COL21A1: variants seen among roughly 807,000 people sequenced by gnomAD.
COL21A1 encodes the protein collagen alpha-1(XXI) chain.
Under a neutral mutation model 137.9 loss-of-function variants are expected in COL21A1, and 149 were observed. That is an observed-to-expected ratio of 1.08 (90% CI 0.95 to 1.24). The LOEUF is 1.24. Ranked by LOEUF, COL21A1 falls within the 50% of genes most tolerant of loss-of-function variation. The probability of loss-of-function intolerance (pLI) is 0.00; values close to 1 mark genes in which losing one functional copy is unlikely to be tolerated. For synonymous variants in COL21A1, 456 were observed against 391.5 expected, an observed-to-expected ratio of 1.16 and a Z score of -1.95; for missense variants, 1,167 against 1,158.4, an observed-to-expected ratio of 1.01 and a Z score of -0.11.
At chr6:56,304,956 G>T (rs2152338171) in intron 1 of COL21A1, among the ~76,000 whole-genome samples, 1 of 152,316 alleles carries the variant, frequency 6.6e-6, no homozygotes, top group South Asian at 2.1e-4. Context: ...TGGTTTCAAA[G>T]AACATCTTTA....
intron 1 of COL21A1, among the ~76,000 whole-genome samples, chr6:56,244,826 G>C (rs1481535269): frequency 6.6e-6 from 1 of 152,088 alleles, no homozygotes; most frequent in African/African-American, 2.4e-5. Context: ...AGAATCATTT[G>C]GCATCTTTTT....
chr6:56,112,865 G>T (rs138906807), intron 16 of COL21A1, among the ~76,000 whole-genome samples: 2,547 of 151,916 alleles, frequency 0.017, 74 homozygotes, highest in African/African-American at 0.059. Flanking sequence ...TGTATTTTTA[G>T]TAGAGATGGG....
chr6:56,362,149 T>C (rs570402761), intron 1 of COL21A1, among the ~76,000 whole-genome samples: 2 of 152,250 alleles, frequency 1.3e-5, no homozygotes, highest in East Asian at 1.9e-4. Context: ...CATTGACAAG[T>C]AGCAAGTTCA....
chr6:56,213,002 AAGAG>A (rs1162852950), intron 1 of COL21A1, among the ~76,000 whole-genome samples: 1 of 152,104 alleles, frequency 6.6e-6, no homozygotes. Context: ...GAATTTAAGC[AAGAG>A]AGAAAGAAAA....
intron 1 of COL21A1, among the ~76,000 whole-genome samples, chr6:56,365,812 C>T (rs1161956933): frequency 6.6e-6 from 1 of 152,156 alleles, no homozygotes; most frequent in Non-Finnish European, 1.5e-5. Flanking sequence ...TGAATCTTTA[C>T]ACCATGTATA....
chr6:56,202,868 G>A (rs1169555784), intron 1 of COL21A1, among the ~76,000 whole-genome samples: 1 of 152,112 alleles, frequency 6.6e-6, no homozygotes, highest in African/African-American at 2.4e-5. Context: ...TCTATATAAT[G>A]AGACCAGTAC....
At chr6:56,276,226 G>A (rs1041508458) in intron 1 of COL21A1, among the ~76,000 whole-genome samples, 1 of 152,080 alleles carries the variant, frequency 6.6e-6, no homozygotes, top group Non-Finnish European at 1.5e-5. Context: ...AGGGGAGAAG[G>A]AGGAACATGA....
At chr6:56,137,450 C>T (rs993224095) in intron 12 of COL21A1, among the ~76,000 whole-genome samples, 2 of 152,134 alleles carry the variant, frequency 1.3e-5, no homozygotes, top group African/African-American at 4.8e-5. Flanking sequence ...CAAGCTCAGG[C>T]AATAATGACC....
chr6:56,344,359 A>G (rs1424742395), intron 1 of COL21A1, among the ~76,000 whole-genome samples: 1 of 152,218 alleles, frequency 6.6e-6, no homozygotes, highest in Non-Finnish European at 1.5e-5. Flanking sequence ...AATGCTATAC[A>G]AATAAGAAAA....
chr6:56,195,624 C>T (rs1582614498), intron 1 of COL21A1, among the ~76,000 whole-genome samples: 1 of 152,060 alleles, frequency 6.6e-6, no homozygotes, highest in Non-Finnish European at 1.5e-5. Flanking sequence ...TATATGCTAA[C>T]AAACTGCATA....
At chr6:56,228,254 G>A (rs1477014203) in intron 1 of COL21A1, among the ~76,000 whole-genome samples, 1 of 151,892 alleles carries the variant, frequency 6.6e-6, no homozygotes, top group East Asian at 1.9e-4. Flanking sequence ...TAGGGAGAAT[G>A]GTGTACAGGA....
intron 14 of COL21A1, 88 bp from the exon 15 acceptor site, chr6:56,124,380 T>C: frequency 8.1e-7 from 1 of 1,237,486 alleles, no homozygotes; most frequent in Admixed American, 2.0e-5. Context: ...GCTACTAAGT[T>C]AACATCATTA....
At chr6:56,164,999 T>C (rs2152268079) in intron 7 of COL21A1, among the ~76,000 whole-genome samples, 177 bp from the exon 8 acceptor site, 1 of 151,342 alleles carries the variant, frequency 6.6e-6, no homozygotes, top group East Asian at 2.0e-4. Context: ...TACATGTTAC[T>C]ACTCCATTCA....
At position 56,179,938 on chromosome 6, in the gene COL21A1, A is replaced by C. The variant is rs373996991; in HGVS notation, c.280T>G (p.Tyr94Asp). 4 of 1,613,950 alleles carry C rather than the reference A, an allele frequency of 2.5e-6. No individual in the cohort carries two copies. Among genetic ancestry groups the C allele is most frequent in the Non-Finnish European group, 2.5e-6 (3 of 1,179,874 alleles). The change falls in exon 3 of 30, where the codon TAT becomes GAT. Residue 94 changes from tyrosine (Y) to aspartate (D), a missense_variant. Physicochemically the swap from Tyr to Asp is radical, Grantham distance 160. Coordinates refer to ENST00000244728, the MANE Select transcript of COL21A1 (RefSeq NM_030820.4). ...YPVLEIPLGSYDSGEHLTAAV... is the reference protein window; with the variant it reads ...YPVLEIPLGSDDSGEHLTAAV... The stretch of plus-strand genomic sequence containing the variant: ...GCCGTCAAATGTTCTCCTGAATCAT[A>C]GCTTCCGAGAGGAATCTCCAGCACA...
At chr6:56,089,085 G>A (rs774867456) in intron 17 of COL21A1, among the ~76,000 whole-genome samples, 3 of 152,016 alleles carry the variant, frequency 2.0e-5, no homozygotes, top group Non-Finnish European at 4.4e-5. Context: ...CACCACACTC[G>A]GCTGAGATCA....
At chr6:56,083,690 T>A (rs746691760) in intron 17 of COL21A1, among the ~76,000 whole-genome samples, 1 of 151,928 alleles carries the variant, frequency 6.6e-6, no homozygotes, top group Non-Finnish European at 1.5e-5. Flanking sequence ...AGGATGATCA[T>A]CTAAATTCAA....
At chr6:56,224,175 G>A (rs759809978) in intron 1 of COL21A1, among the ~76,000 whole-genome samples, 1 of 152,032 alleles carries the variant, frequency 6.6e-6, no homozygotes, top group African/African-American at 2.4e-5. Context: ...ATCACCCCAC[G>A]GGGCTTAGGG....
At chr6:56,155,433 G>T (rs1477321782) in intron 10 of COL21A1, among the ~76,000 whole-genome samples, 2 of 152,070 alleles carry the variant, frequency 1.3e-5, no homozygotes, top group Non-Finnish European at 2.9e-5. Context: ...TTAAGGTATT[G>T]ATGATTTCAC....
intron 17 of COL21A1, among the ~76,000 whole-genome samples, chr6:56,085,705 T>A (rs1472989950): frequency 6.6e-6 from 1 of 151,968 alleles, no homozygotes; most frequent in Non-Finnish European, 1.5e-5. Flanking sequence ...GCAGTTGCCA[T>A]TAAAAATCTA....
Sources: allele counts gnomAD v4.1 joint callset (sites outside exome capture counted in the v4.1 genomes callset), GRCh38; gene constraint gnomAD v4.1.1; transcripts MANE v1.5; gene names NCBI Gene and HGNC (gene_info 2026-07-23, HGNC 2026-07-21).